Variants in PHF20 observed in about 807,000 individuals in gnomAD.
PHF20 encodes PHD finger protein 20, also known as glioma-expressed antigen 2.
In PHF20, 23 loss-of-function variants were observed where a neutral mutation model predicts 113.5. That is an observed-to-expected ratio of 0.20 (90% CI 0.15 to 0.29). The LOEUF (loss-of-function observed/expected upper bound fraction) is 0.29. Among genes scored for constraint, PHF20 ranks in the 10% least tolerant of loss-of-function variants. The probability of loss-of-function intolerance (pLI) is 1.00; values close to 1 mark genes in which losing one functional copy is unlikely to be tolerated. For missense variants in PHF20, 943 were observed against 1,219.6 expected (o/e 0.77, Z 3.38); for synonymous variants, 434 against 457.3 (o/e 0.95, Z 0.65).
In PHF20 at chr20:35,888,941, G is replaced by A. The variant is rs926747318; in HGVS notation, c.1283-10429G>A. Among the ~76,000 whole-genome samples the A allele has an allele frequency of 2.6e-5, 4 of 151,102 alleles. No homozygotes were observed. In the East Asian group the frequency reaches 5.8e-4, roughly 22 times the overall value. On this transcript the variant is annotated intron_variant, in intron 9 of 17. Coordinates refer to ENST00000374012, the MANE Select transcript of PHF20 (RefSeq NM_016436.5). Reference sequence around the variant, plus strand: ...CCCATAGGGGAATACATACCTGTGTGTGAGACTGGGATTTATGTAGACTTT... The same window carrying A: ...CCCATAGGGGAATACATACCTGTGTATGAGACTGGGATTTATGTAGACTTT...
intron 16 of PHF20, 40 bp from the exon 17 acceptor site, chr20:35,940,823 GC>G (rs1938088219): frequency 6.4e-7 from 1 of 1,550,608 alleles, no homozygotes; most frequent in African/African-American, 1.4e-5. Flanking sequence ...TGGGCCAGGG[GC>G]TATCTCCATT....
chr20:35,920,334 GC>G (rs2055488246), intron 13 of PHF20, among the ~76,000 whole-genome samples: 1 of 152,116 alleles, frequency 6.6e-6, no homozygotes, highest in African/African-American at 2.4e-5. Context: ...AGTATTCCAT[GC>G]TATGGATGTA....
At chr20:35,930,944 A>G (rs1362762995) in intron 14 of PHF20, among the ~76,000 whole-genome samples, 1 of 152,092 alleles carries the variant, frequency 6.6e-6, no homozygotes, top group Non-Finnish European at 1.5e-5. Flanking sequence ...AGGCAGTGGA[A>G]GGTTTTAAGT....
At chr20:35,875,543 T>G (rs2054506304) in intron 9 of PHF20, among the ~76,000 whole-genome samples, 1 of 152,184 alleles carries the variant, frequency 6.6e-6, no homozygotes, top group Non-Finnish European at 1.5e-5. Flanking sequence ...GATCTTCCTT[T>G]TTTTGCTACT....
chr20:35,862,922 C>G (rs928210511), intron 5 of PHF20, 91 bp from the exon 6 acceptor site: 5 of 1,303,482 alleles, frequency 3.8e-6, no homozygotes, highest in Non-Finnish European at 5.3e-6. Context: ...GTTTTAATTT[C>G]TTTGTTTGTC....
chr20:35,814,079 T>C (rs956222838), intron 2 of PHF20, among the ~76,000 whole-genome samples: 1 of 151,762 alleles, frequency 6.6e-6, no homozygotes, highest in Non-Finnish European at 1.5e-5. Flanking sequence ...AAAACATTGG[T>C]TTTTAAAAAA....
chr20:35,912,808 G>T (rs983573178), intron 10 of PHF20, among the ~76,000 whole-genome samples: 1 of 152,180 alleles, frequency 6.6e-6, no homozygotes, highest in African/African-American at 2.4e-5. Context: ...CTCCAGCCTG[G>T]GTGACATGGC....
At chr20:35,889,009 CTTTTTTTT>C (rs566960589) in intron 9 of PHF20, among the ~76,000 whole-genome samples, 2,773 of 99,210 alleles carry the variant, frequency 0.028, 75 homozygotes, top group African/African-American at 0.092. Context: ...CTCTTAGTTT[CTTTTTTTT>C]TTTTTTTTTT....
chr20:35,894,255 T>C (rs1426253582), intron 9 of PHF20, among the ~76,000 whole-genome samples: 2 of 152,232 alleles, frequency 1.3e-5, no homozygotes, highest in African/African-American at 4.8e-5. Flanking sequence ...CCAGCCATGT[T>C]CCAGAAATAA....
chr20:35,857,108 C>T (rs1373103336), intron 4 of PHF20, among the ~76,000 whole-genome samples: 1 of 151,980 alleles, frequency 6.6e-6, no homozygotes, highest in Non-Finnish European at 1.5e-5. Context: ...GGAATTGGTT[C>T]TAAAAAGAGA....
At chr20:35,843,753 T>A (rs200015436) in intron 3 of PHF20, among the ~76,000 whole-genome samples, 2 of 151,894 alleles carry the variant, frequency 1.3e-5, no homozygotes, top group East Asian at 3.9e-4. Context: ...AATTTTTAAA[T>A]TTTTTTATAG....
At chr20:35,893,559 C>A (rs1288034953) in intron 9 of PHF20, among the ~76,000 whole-genome samples, 5 of 152,000 alleles carry the variant, frequency 3.3e-5, no homozygotes, top group Admixed American at 2.0e-4. Context: ...CCACCTCGGT[C>A]TCCTAAAGTA....
At position 35,917,544 on chromosome 20, in the gene PHF20, G is replaced by C; in HGVS notation, c.1886G>C (p.Gly629Ala). Residue 629 changes from glycine (G) to alanine (A), a missense_variant, in exon 13 of 18, where the codon GGC becomes GCC. Transcript: ENST00000374012. The part of the protein sequence containing the change: ...ESFLWSDDEY[G>A]QDVDVTTNPD... ...TTTCTCTGGAGTGATGATGAGTATG[G>C]CCAAGATGTGGATGTGACCACCAAC... The C allele has an allele frequency of 6.2e-7, 1 of 1,614,002 alleles. No homozygotes were observed. The highest frequency in any genetic ancestry group is 8.5e-7 in the Non-Finnish European group (1 of 1,179,940).
intron 6 of PHF20, among the ~76,000 whole-genome samples, chr20:35,866,077 G>A (rs1339079447): frequency 6.6e-6 from 1 of 152,046 alleles, no homozygotes; most frequent in African/African-American, 2.4e-5. Context: ...GAGCGTGGTG[G>A]CATGCACCTG....
chr20:35,867,347 C>T (rs554299029), intron 6 of PHF20, among the ~76,000 whole-genome samples: 10 of 152,246 alleles, frequency 6.6e-5, no homozygotes, highest in African/African-American at 2.2e-4. Context: ...GTAACCACCG[C>T]CTCCTGGGTT....
chr20:35,846,591 GA>G (rs2042628736), intron 3 of PHF20, among the ~76,000 whole-genome samples: 1 of 151,680 alleles, frequency 6.6e-6, no homozygotes. Context: ...CTGCTTCCCT[GA>G]GTATGAAGTA....
chr20:35,881,617 G>A (rs76827656), intron 9 of PHF20, among the ~76,000 whole-genome samples: 7,378 of 151,624 alleles, frequency 0.049, 233 homozygotes, highest in African/African-American at 0.099. Context: ...CATTACCACA[G>A]TATAATTTTC....
At chr20:35,822,376 C>T (rs543018685) in intron 2 of PHF20, among the ~76,000 whole-genome samples, 8 of 151,128 alleles carry the variant, frequency 5.3e-5, no homozygotes, top group East Asian at 1.9e-4. Context: ...TATGATTGTG[C>T]TGCTATACTG....
intron 1 of PHF20, among the ~76,000 whole-genome samples, chr20:35,787,951 T>A (rs1367510541): frequency 1.3e-5 from 2 of 150,880 alleles, no homozygotes. Flanking sequence ...CTAATTTCTG[T>A]GTTTTTAGTA....
Sources: allele counts gnomAD v4.1 joint callset (sites outside exome capture counted in the v4.1 genomes callset), GRCh38; gene constraint gnomAD v4.1.1; transcripts MANE v1.5; gene names NCBI Gene and HGNC (gene_info 2026-07-23, HGNC 2026-07-21).